Variants in STK3 observed in about 807,000 individuals in gnomAD.
The protein encoded by STK3 is serine/threonine kinase 3, also known as serine/threonine-protein kinase 3.
A neutral mutation model predicts 58.0 loss-of-function variants in STK3; 41 were observed. That is an observed-to-expected ratio of 0.71 (90% CI 0.55 to 0.92). STK3 has a LOEUF of 0.92. Ranked by LOEUF, STK3 falls within the 40% of genes least tolerant of loss-of-function variation. The pLI is 0.00. For missense variants in STK3, 479 were observed against 602.7 expected (o/e 0.79, Z 2.15); for synonymous variants, 170 against 191.0 (o/e 0.89, Z 0.91).
the STK3 span, among the ~76,000 whole-genome samples, chr8:98,360,397 T>A: frequency 1.6e-4 from 24 of 152,176 alleles, no homozygotes; most frequent in Non-Finnish European, 2.9e-4. Flanking sequence ...TCCCTCTGTG[T>A]CTCCATGCCT....
chr8:98,742,000 C>T (rs1338241918), intron 4 of STK3, among the ~76,000 whole-genome samples: 6 of 151,946 alleles, frequency 3.9e-5, no homozygotes, highest in African/African-American at 7.2e-5. Flanking sequence ...ATAAATTCCT[C>T]GACACATACA....
chr8:98,872,768 T>G (rs1837425494), intron 3 of STK3, among the ~76,000 whole-genome samples: 1 of 152,214 alleles, frequency 6.6e-6, no homozygotes, highest in African/African-American at 2.4e-5. Flanking sequence ...CTATCTATTT[T>G]GTTGATCTTT....
intron 1 of STK3, among the ~76,000 whole-genome samples, chr8:98,918,910 G>A (rs1378425374): frequency 6.6e-6 from 1 of 151,964 alleles, no homozygotes; most frequent in East Asian, 1.9e-4. Context: ...ACCTCTGTCA[G>A]CCACATCAGG....
intron 1 of STK3, among the ~76,000 whole-genome samples, chr8:98,382,578 T>G (rs1817747609): frequency 6.7e-6 from 1 of 149,548 alleles, no homozygotes; most frequent in Non-Finnish European, 1.5e-5. Flanking sequence ...GGGGGGAGCC[T>G]GCTTTTTTAG....
rs199989434 is a variant in STK3, at chr8:98,429,122, C to A, written n.483+5005G>T. 62 of 1,613,314 alleles carry A rather than the reference C, an allele frequency of 3.8e-5. No homozygotes were observed. In the Middle Eastern group the frequency reaches 6.6e-4, roughly 17 times the overall value. On this transcript the variant is annotated intron_variant and non_coding_transcript_variant, in intron 3 of 3. Coordinates refer to the STK3 transcript ENST00000517832. ...CCACAGTGGGGTACGGGGATGTGGT[C>A]CCAGGGACCACGGCAGGAAAGCTGA...
chr8:98,777,383 G>T (rs1831767067), intron 1 of STK3, among the ~76,000 whole-genome samples: 1 of 152,068 alleles, frequency 6.6e-6, no homozygotes, highest in South Asian at 2.1e-4. Context: ...AAAACGTTTG[G>T]TGGGCATGAT....
At chr8:98,354,298 T>G in the STK3 span, among the ~76,000 whole-genome samples, 1 of 152,162 alleles carries the variant, frequency 6.6e-6, no homozygotes, top group Non-Finnish European at 1.5e-5. Flanking sequence ...TTGGGCAGAT[T>G]TTTCTACCTT....
At chr8:98,860,746 C>A (rs1352566337) in intron 3 of STK3, among the ~76,000 whole-genome samples, 1 of 152,026 alleles carries the variant, frequency 6.6e-6, no homozygotes, top group Non-Finnish European at 1.5e-5. Context: ...GACCAGCATA[C>A]GACAAACACA....
chr8:98,744,379 T>C (rs1381108704), intron 4 of STK3, among the ~76,000 whole-genome samples: 2 of 151,860 alleles, frequency 1.3e-5, no homozygotes, highest in Non-Finnish European at 2.9e-5. Flanking sequence ...GGCACATATA[T>C]ACCATGGAAT....
downstream of STK3, chr8:98,879,909 C>T (rs371710819): frequency 6.6e-6 from 1 of 152,062 alleles, no homozygotes; most frequent in East Asian, 1.9e-4. Context: ...ATTTTGAACT[C>T]GAATAAGAAA....
chr8:98,597,136 G>A (rs1453006449), intron 6 of STK3: 1 of 322,632 alleles, frequency 3.1e-6, no homozygotes, highest in Non-Finnish European at 4.5e-6. Context: ...ATAAGAAATA[G>A]GTACCTTAAA....
At chr8:98,803,289 C>T (rs1222047205) in intron 1 of STK3, among the ~76,000 whole-genome samples, 3 of 151,954 alleles carry the variant, frequency 2.0e-5, no homozygotes, top group African/African-American at 7.3e-5. Context: ...CTGGCCACGG[C>T]AATCAGAAAT....
At chr8:98,598,078 T>A in intron 6 of STK3, 1 of 985,398 alleles carries the variant, frequency 1.0e-6, no homozygotes, top group Non-Finnish European at 1.2e-6. Context: ...AGGACTTACA[T>A]AAGCCCCTAT....
intron 3 of STK3, among the ~76,000 whole-genome samples, chr8:98,839,056 G>A (rs1209911903): frequency 1.3e-5 from 2 of 151,410 alleles, no homozygotes; most frequent in Admixed American, 6.6e-5. Context: ...TTTTGGGGGG[G>A]GGCGGTTTGA....
At chr8:98,448,407 G>C (rs1819050389) in intron 1 of STK3, among the ~76,000 whole-genome samples, 1 of 152,076 alleles carries the variant, frequency 6.6e-6, no homozygotes, top group African/African-American at 2.4e-5. Context: ...TGTTCCAAGT[G>C]CTATTACGTC....
intron 3 of STK3, among the ~76,000 whole-genome samples, chr8:98,756,173 T>TAAAG (rs1000947934): frequency 6.7e-6 from 1 of 149,706 alleles, no homozygotes; most frequent in African/African-American, 2.5e-5. Flanking sequence ...AATTAAAAAA[T>TAAAG]AAAGAAAGAA....
At chr8:98,590,326 A>T (rs1773229510) in intron 7 of STK3, among the ~76,000 whole-genome samples, 1 of 152,062 alleles carries the variant, frequency 6.6e-6, no homozygotes. Flanking sequence ...CCTTTCTTCC[A>T]CCGTAAGAGT....
At position 98,455,826 on chromosome 8, in the gene STK3, A is replaced by T. The variant is rs575295082; in HGVS notation, c.*16T>A. On this transcript the variant is annotated 3_prime_UTR_variant, in exon 11 of 11. Coordinates refer to ENST00000419617, the MANE Select transcript of STK3 (RefSeq NM_006281.4). The stretch of plus-strand genomic sequence containing the variant: ...CTTGGTCTCCAGAATAGTTAAAAAC[A>T]GAGAGGAAATTAGACTCAAAAGTTT... 7.4e-6 allele frequency: 12 copies of T among 1,612,924 alleles called. No homozygotes were observed. The highest frequency in any genetic ancestry group is 1.0e-5 in the Non-Finnish European group (12 of 1,179,518).
chr8:98,519,089 C>G (rs756363112), intron 10 of STK3, among the ~76,000 whole-genome samples: 1 of 152,032 alleles, frequency 6.6e-6, no homozygotes, highest in Admixed American at 6.6e-5. Context: ...CAAAGGTAAT[C>G]GATGACAATA....
Sources: allele counts gnomAD v4.1 joint callset (sites outside exome capture counted in the v4.1 genomes callset), GRCh38; gene constraint gnomAD v4.1.1; transcripts MANE v1.5; gene names NCBI Gene and HGNC (gene_info 2026-07-23, HGNC 2026-07-21).